Variants in EYS observed in about 807,000 individuals in gnomAD.
EYS encodes the protein protein eyes shut homolog.
A neutral mutation model predicts 282.1 loss-of-function variants in EYS; 250 were observed. The ratio of observed to expected loss-of-function variants is 0.89; its 90% CI spans 0.80 to 0.98. The LOEUF (loss-of-function observed/expected upper bound fraction) is 0.98. Ranked by LOEUF, EYS falls within the 50% of genes least tolerant of loss-of-function variation. The probability of loss-of-function intolerance (pLI) is 0.00; values close to 1 mark genes in which losing one functional copy is unlikely to be tolerated. For missense variants in EYS, 4,016 were observed against 3,709.0 expected (o/e 1.08, Z -2.15); for synonymous variants, 1,355 against 1,282.9 (o/e 1.06, Z -1.20).
intron 16 of EYS, among the ~76,000 whole-genome samples, chr6:64,902,829 A>ATGAAT (rs1323460165): frequency 1.3e-5 from 2 of 152,176 alleles, no homozygotes; most frequent in Admixed American, 6.6e-5. Flanking sequence ...TGGAAAGCAA[A>ATGAAT]TGAATTAATG....
intron 2 of EYS, among the ~76,000 whole-genome samples, chr6:65,574,677 C>T (rs1764596035): frequency 6.6e-6 from 1 of 152,050 alleles, no homozygotes; most frequent in Non-Finnish European, 1.5e-5. Context: ...TAGGAGTCTT[C>T]AATACTCCAC....
chr6:65,164,488 CT>C (rs1332833357), intron 12 of EYS, among the ~76,000 whole-genome samples: 14 of 151,376 alleles, frequency 9.2e-5, no homozygotes, highest in African/African-American at 3.4e-4. Context: ...TTCTCTGCTT[CT>C]TTTTTTATCA....
intron 26 of EYS, among the ~76,000 whole-genome samples, chr6:64,467,759 A>G (rs1361721593): frequency 1.3e-5 from 2 of 152,026 alleles, no homozygotes; most frequent in Non-Finnish European, 2.9e-5. Context: ...TATCATCCAG[A>G]GGAATAAGGG....
chr6:64,875,016 T>C (rs1766702213), intron 19 of EYS, among the ~76,000 whole-genome samples: 1 of 152,064 alleles, frequency 6.6e-6, no homozygotes. Flanking sequence ...AGAAAGAGGA[T>C]GTAGCCTGGA....
At position 65,680,086 on chromosome 6, in the gene EYS, T is replaced by TCACACACACACACA. The variant is rs10650454; in HGVS notation, c.-448+27035_-448+27048dup. 3.7e-3 allele frequency among the ~76,000 whole-genome samples: 552 copies of TCACACACACACACA among 147,382 alleles called. 3 individuals carry two copies. The highest frequency in any genetic ancestry group is 0.013 in the African/African-American group (539 of 40,120). ...ATATATATTATGCGCTCCTAAATTT[T>TCACACACACACACA]CACACACACACACACACACACACAC... On this transcript the variant is annotated intron_variant, in intron 1 of 42. Transcript: ENST00000503581.
intron 12 of EYS, among the ~76,000 whole-genome samples, chr6:65,074,711 C>A (rs2150167949): frequency 6.6e-6 from 1 of 152,068 alleles, no homozygotes; most frequent in African/African-American, 2.4e-5. Context: ...GAGGAGGCTG[C>A]TTTGTGGGGC....
intron 26 of EYS, among the ~76,000 whole-genome samples, chr6:64,565,374 G>A (rs914558612): frequency 6.6e-6 from 1 of 152,000 alleles, no homozygotes; most frequent in Non-Finnish European, 1.5e-5. Flanking sequence ...TACGATGTGA[G>A]GTGGTAATAT....
intron 30 of EYS, among the ~76,000 whole-genome samples, chr6:64,292,067 C>T (rs545509757): frequency 5.2e-4 from 79 of 152,176 alleles, no homozygotes; most frequent in African/African-American, 1.9e-3. Flanking sequence ...AAGTAATTTT[C>T]CTAAGATTAT....
intron 35 of EYS, among the ~76,000 whole-genome samples, chr6:63,979,519 T>C (rs999954607): frequency 1.3e-5 from 2 of 151,972 alleles, no homozygotes; most frequent in Non-Finnish European, 2.9e-5. Context: ...CAATAATTAT[T>C]TACTGTAATG....
intron 13 of EYS, among the ~76,000 whole-genome samples, chr6:65,006,415 G>T (rs1771659523): frequency 1.4e-5 from 2 of 142,322 alleles, no homozygotes; most frequent in African/African-American, 5.2e-5. Flanking sequence ...CAGTCGGTAG[G>T]GACAACTGCT....
chr6:65,552,400 G>A (rs987045348), intron 2 of EYS, among the ~76,000 whole-genome samples: 6 of 152,078 alleles, frequency 3.9e-5, no homozygotes, highest in Non-Finnish European at 8.8e-5. Flanking sequence ...TTTAACAGGA[G>A]TTTATTTTTA....
intron 13 of EYS, among the ~76,000 whole-genome samples, chr6:64,998,871 C>A (rs1771363176): frequency 6.6e-6 from 1 of 152,020 alleles, no homozygotes; most frequent in Non-Finnish European, 1.5e-5. Flanking sequence ...TTAAAATTAT[C>A]CTTATGGTTA....
intron 30 of EYS, among the ~76,000 whole-genome samples, chr6:64,300,004 G>A (rs1254694453): frequency 1.3e-5 from 2 of 152,122 alleles, no homozygotes; most frequent in African/African-American, 4.8e-5. Flanking sequence ...AGGTTTGCCT[G>A]AGTCCCCTCC....
chr6:65,013,788 T>C (rs1308267919), intron 13 of EYS, among the ~76,000 whole-genome samples: 2 of 152,118 alleles, frequency 1.3e-5, no homozygotes, highest in African/African-American at 4.8e-5. Flanking sequence ...TCACTTGAGC[T>C]TGGGAGGTCA....
At chr6:64,394,419 G>C (rs190082702) in intron 28 of EYS, among the ~76,000 whole-genome samples, 20 of 152,216 alleles carry the variant, frequency 1.3e-4, no homozygotes, top group Non-Finnish European at 2.6e-4. Context: ...GCATGGCACT[G>C]GTACCAAACA....
chr6:63,780,985 G>C (rs1231709294), intron 39 of EYS, among the ~76,000 whole-genome samples: 3 of 152,172 alleles, frequency 2.0e-5, no homozygotes, highest in African/African-American at 7.2e-5. Context: ...AGTTTTCCCA[G>C]AACCATTTAT....
intron 5 of EYS, among the ~76,000 whole-genome samples, chr6:65,435,066 A>G (rs1267403657): frequency 6.6e-6 from 1 of 151,804 alleles, no homozygotes; most frequent in Non-Finnish European, 1.5e-5. Flanking sequence ...TAAAGTCACC[A>G]GATTTTATGT....
At chr6:64,618,841 C>G (rs1183967137) in intron 23 of EYS, among the ~76,000 whole-genome samples, 2 of 152,162 alleles carry the variant, frequency 1.3e-5, no homozygotes, top group African/African-American at 4.8e-5. Flanking sequence ...TGGAAAAAAA[C>G]ATCTTCACAG....
chr6:64,516,899 AT>A lies in EYS; in HGVS notation c.5644+73323del, dbSNP rs1777577032. On this transcript the variant is annotated intron_variant, in intron 26 of 42. Coordinates refer to ENST00000503581, the MANE Select transcript of EYS (RefSeq NM_001142800.2). ...AATATAGGGTTAAATATCAAAACTT[AT>A]TTGGAACTCTATACAAAACATATTA... Among the ~76,000 whole-genome samples the A allele has an allele frequency of 2.0e-5, 3 of 151,954 alleles. No individual in the cohort carries two copies. The South Asian group carries it at 6.2e-4, about 31-fold the overall frequency.
Sources: allele counts gnomAD v4.1 joint callset (sites outside exome capture counted in the v4.1 genomes callset), GRCh38; gene constraint gnomAD v4.1.1; transcripts MANE v1.5; gene names NCBI Gene and HGNC (gene_info 2026-07-23, HGNC 2026-07-21).